BTG4: variants seen among roughly 807,000 people sequenced by gnomAD.
BTG4 encodes the protein protein BTG4.
In BTG4, 10 loss-of-function variants were observed where a neutral mutation model predicts 19.3. The ratio of observed to expected loss-of-function variants is 0.52; its 90% CI spans 0.32 to 0.88. BTG4 has a LOEUF of 0.88. BTG4 is among the 40% of genes least tolerant of loss of function. The pLI is 0.04. For missense variants in BTG4, 238 were observed against 281.9 expected, an observed-to-expected ratio of 0.84 and a Z score of 1.11; for synonymous variants, 91 against 95.7, an observed-to-expected ratio of 0.95 and a Z score of 0.29.
the BTG4 span, chr11:111,449,606 T>C: frequency 2.6e-5 from 4 of 152,296 alleles, no homozygotes; most frequent in African/African-American, 7.2e-5. Flanking sequence ...TCTGGAAATA[T>C]AGAGGTCAGT....
chr11:111,443,063 C>T, the BTG4 span, among the ~76,000 whole-genome samples: 2 of 152,198 alleles, frequency 1.3e-5, no homozygotes, highest in African/African-American at 4.8e-5. Flanking sequence ...AGTGATACAT[C>T]ATGTTGATTG....
At chr11:111,464,092 G>A (rs944256261), downstream of BTG4, among the ~76,000 whole-genome samples, 4 of 152,302 alleles carry the variant, frequency 2.6e-5, no homozygotes, top group Non-Finnish European at 5.9e-5. Context: ...TGCCTCCCAG[G>A]TTCAAGTGAT....
chr11:111,414,822 G>C, the BTG4 span: 1 of 152,182 alleles, frequency 6.6e-6, no homozygotes, highest in Admixed American at 6.5e-5. Flanking sequence ...GATTTGCATG[G>C]GCAGCCAACT....
chr11:111,493,287 G>C (rs1469689167), downstream of BTG4, among the ~76,000 whole-genome samples: 1 of 152,196 alleles, frequency 6.6e-6, no homozygotes, highest in Admixed American at 6.5e-5. Context: ...TTAAACTGGA[G>C]AGTAAAGATT....
intron 1 of BTG4, among the ~76,000 whole-genome samples, chr11:111,511,383 G>C (rs1866898494): frequency 6.6e-6 from 1 of 152,228 alleles, no homozygotes; most frequent in Admixed American, 6.5e-5. Flanking sequence ...TGAGTTTGTA[G>C]TTTGTATTGA....
Position 111,472,680 on chromosome 11 carries a change from T to C in BTG4, c.663-4999A>G, listed in dbSNP as rs527468550. 4.6e-5 allele frequency among the ~76,000 whole-genome samples: 7 copies of C among 152,340 alleles called. No homozygotes were observed. The South Asian group carries it at 1.2e-3, about 27-fold the overall frequency. ...TTCCCCCTACTCAGCAGCTTTCTCT[T>C]AAGTTTTCCTATATCCTTTCCTAAC... is the stretch of plus-strand genomic sequence containing the variant. On this transcript the variant is annotated intron_variant, in intron 5 of 5. Coordinates refer to the BTG4 transcript ENST00000356018.
chr11:111,508,346 T>C (rs529393568), intron 1 of BTG4, among the ~76,000 whole-genome samples: 3 of 145,814 alleles, frequency 2.1e-5, no homozygotes, highest in Admixed American at 1.5e-4. Flanking sequence ...AGCAGAATAA[T>C]GAAATTGAAA....
At chr11:111,434,002 G>A in the BTG4 span, among the ~76,000 whole-genome samples, 1 of 152,184 alleles carries the variant, frequency 6.6e-6, no homozygotes, top group Non-Finnish European at 1.5e-5. Context: ...CGATTCCTCA[G>A]GGATCTAGAA....
chr11:111,433,076 G>A, the BTG4 span, among the ~76,000 whole-genome samples: 1 of 152,170 alleles, frequency 6.6e-6, no homozygotes, highest in African/African-American at 2.4e-5. Context: ...ACTCTGACTT[G>A]GAGGTAAGAC....
At chr11:111,501,170 G>A (rs1300886541) in intron 1 of BTG4, among the ~76,000 whole-genome samples, 5 of 151,904 alleles carry the variant, frequency 3.3e-5, no homozygotes, top group Admixed American at 6.6e-5. Flanking sequence ...GTTTGAGGCC[G>A]GCCTGGGCAA....
intron 4 of BTG4, chr11:111,496,852 T>A (rs919387633): frequency 3.7e-6 from 1 of 272,836 alleles, no homozygotes; most frequent in Non-Finnish European, 6.7e-6. Flanking sequence ...CTTTCCTATA[T>A]CCAAATTTTC....
At chr11:111,395,075 A>AT in the BTG4 span, among the ~76,000 whole-genome samples, 3 of 152,204 alleles carry the variant, frequency 2.0e-5, no homozygotes, top group African/African-American at 7.2e-5. Flanking sequence ...ATAGTGGAGA[A>AT]TTTTTTCCTG....
chr11:111,497,874 A>C, intron 3 of BTG4, 124 bp downstream of exon 3: 1 of 1,065,588 alleles, frequency 9.4e-7, no homozygotes, highest in Admixed American at 2.6e-5. Flanking sequence ...CTAAAATCTT[A>C]ACCAAGAAGT....
rs113732510 is a variant in BTG4 at position 111,495,185 on chromosome 11, G to A, written c.640C>T (p.Pro214Ser). The A allele has an allele frequency of 6.2e-7, 1 of 1,606,880 alleles. No homozygotes were observed. The highest frequency in any genetic ancestry group is 8.5e-7 in the Non-Finnish European group (1 of 1,177,128). ...GSQKHPKCYRPAMHRLDRYHW... is the reference protein window; with the variant it reads ...GSQKHPKCYRSAMHRLDRYHW... ...TACCTGTCCAGCCGGTGCATAGCAG[G>A]CCTGTAACACTTAGGATGCTTCTGC... The change falls in exon 5 of 5, where the codon CCT (proline) becomes TCT (serine). Residue 214 changes from proline (P) to serine (S), a missense_variant. Transcript: ENST00000692032.
Position 111,495,174 on chromosome 11 carries a change from G to A in BTG4, c.651C>T (p.His217=), listed in dbSNP as rs989099560. Reference sequence around the variant, plus strand: ...TGACCCAGTGGTACCTGTCCAGCCGGTGCATAGCAGGCCTGTAACACTTAG... The same window carrying A: ...TGACCCAGTGGTACCTGTCCAGCCGATGCATAGCAGGCCTGTAACACTTAG... ...KHPKCYRPAM[H]RLDRYHWVNT... Residue 217 remains histidine, a synonymous_variant, in exon 5 of 5, where the codon CAC becomes CAT. Coordinates refer to ENST00000692032, the MANE Select transcript of BTG4 (RefSeq NM_001367975.1). The A allele has an allele frequency of 6.3e-7, 1 of 1,598,070 alleles. No homozygotes were observed. The highest frequency in any genetic ancestry group is 1.1e-5 in the South Asian group (1 of 88,102).
At chr11:111,461,084 G>A in the BTG4 span, among the ~76,000 whole-genome samples, 2 of 152,158 alleles carry the variant, frequency 1.3e-5, no homozygotes, top group African/African-American at 4.8e-5. Context: ...CAGACTAGCA[G>A]AGGAAGCCCC....
At chr11:111,384,746 G>C in the BTG4 span, 1 of 152,096 alleles carries the variant, frequency 6.6e-6, no homozygotes, top group South Asian at 2.1e-4. Flanking sequence ...ATCAAATACT[G>C]GGTAAAGTTT....
chr11:111,431,492 C>T, the BTG4 span, among the ~76,000 whole-genome samples: 1 of 152,172 alleles, frequency 6.6e-6, no homozygotes. Flanking sequence ...ATTTTGATTC[C>T]AACCAAGAGG....
At chr11:111,514,036 A>G (rs1867126314), upstream of BTG4, 1 of 153,270 alleles carries the variant, frequency 6.5e-6, no homozygotes, top group African/African-American at 2.4e-5. Flanking sequence ...CGGGAAAGCT[A>G]CTCATACACA....
Sources: gnomAD v4.1 joint callset for allele counts (sites outside exome capture counted in the v4.1 genomes callset) on GRCh38, gnomAD v4.1.1 for gene constraint, MANE v1.5 for transcripts, NCBI Gene and HGNC (gene_info 2026-07-23, HGNC 2026-07-21) for gene names.